Variants in AQP7B observed in about 807,000 individuals in gnomAD.
AQP7B encodes putative aquaporin-7B.
the AQP7B span, among the ~76,000 whole-genome samples, chr2:94,596,980 G>A: frequency 3.0e-3 from 455 of 152,304 alleles, 1 homozygote; most frequent in African/African-American, 9.3e-3. Context: ...GATTGCTGGC[G>A]TGAGTCACCT....
At chr2:94,593,773 AC>A in the AQP7B span, among the ~76,000 whole-genome samples, 1 of 151,966 alleles carries the variant, frequency 6.6e-6, no homozygotes, top group Non-Finnish European at 1.5e-5. Context: ...GGCGTGAGCT[AC>A]CGGGCCCAGC....
the AQP7B span, among the ~76,000 whole-genome samples, chr2:94,592,837 T>C: frequency 1.4e-5 from 2 of 143,072 alleles, no homozygotes; most frequent in Non-Finnish European, 3.0e-5. Flanking sequence ...TTTTTTTTTT[T>C]TTTTGAGACA....
the AQP7B span, among the ~76,000 whole-genome samples, chr2:94,601,772 G>A: frequency 1.1e-4 from 17 of 152,206 alleles, no homozygotes; most frequent in South Asian, 1.7e-3. Flanking sequence ...GGAAGGTATG[G>A]GGGAGACGGA....
the AQP7B span, chr2:94,602,675 C>T: frequency 6.0e-6 from 9 of 1,495,104 alleles, no homozygotes; most frequent in Admixed American, 1.7e-5. Flanking sequence ...CAGGCTCTTT[C>T]CTGCCCACCT....
the AQP7B span, among the ~76,000 whole-genome samples, chr2:94,601,102 G>C: frequency 6.6e-6 from 1 of 152,168 alleles, no homozygotes; most frequent in African/African-American, 2.4e-5. Flanking sequence ...GGCATGCATG[G>C]AGCAGCGCAG....
At chr2:94,588,575 C>T in the AQP7B span, 1 of 712,712 alleles carries the variant, frequency 1.4e-6, no homozygotes, top group Admixed American at 2.3e-5. Flanking sequence ...TTCTCACCCT[C>T]CAGCCCCCTG....
chr2:94,592,257 C>T, the AQP7B span, among the ~76,000 whole-genome samples: 1 of 151,996 alleles, frequency 6.6e-6, no homozygotes, highest in Non-Finnish European at 1.5e-5. Context: ...CCTCAGGGCT[C>T]CTAAATTCCC....
the AQP7B span, among the ~76,000 whole-genome samples, chr2:94,599,594 G>T: frequency 1.3e-5 from 2 of 151,998 alleles, no homozygotes; most frequent in Admixed American, 6.5e-5. Flanking sequence ...GGCTGGGGCG[G>T]GGTCCTCTCC....
the AQP7B span, among the ~76,000 whole-genome samples, chr2:94,598,490 G>T: frequency 6.6e-6 from 1 of 152,138 alleles, no homozygotes; most frequent in Non-Finnish European, 1.5e-5. Flanking sequence ...CGGGGCAAGG[G>T]TTGTAGATCA....
the AQP7B span, among the ~76,000 whole-genome samples, chr2:94,593,148 A>T: frequency 6.6e-6 from 1 of 152,216 alleles, no homozygotes; most frequent in Non-Finnish European, 1.5e-5. Flanking sequence ...ATGCATTGTG[A>T]TGAGCATTGC....
chr2:94,599,282 G>A, the AQP7B span, among the ~76,000 whole-genome samples: 2 of 151,958 alleles, frequency 1.3e-5, 1 homozygote, highest in South Asian at 4.2e-4. Flanking sequence ...CTCTCCTGCT[G>A]TATCTTATCC....
chr2:94,591,253 C>T, the AQP7B span, among the ~76,000 whole-genome samples: 1 of 152,114 alleles, frequency 6.6e-6, no homozygotes, highest in African/African-American at 2.4e-5. Context: ...GCGGGCTCCT[C>T]ACACTCAACA....
At chr2:94,602,230 C>T in the AQP7B span, among the ~76,000 whole-genome samples, 1 of 151,970 alleles carries the variant, frequency 6.6e-6, no homozygotes, top group South Asian at 2.1e-4. Flanking sequence ...GGCTGAGGTG[C>T]TTGGATGTTT....
the AQP7B span, among the ~76,000 whole-genome samples, chr2:94,593,516 G>A: frequency 6.2e-5 from 8 of 129,250 alleles, no homozygotes; most frequent in East Asian, 7.0e-4. Context: ...ATGGAGTCTC[G>A]CTCTTGTTGC....
chr2:94,594,699 A>T, the AQP7B span: 2 of 1,360,596 alleles, frequency 1.5e-6, no homozygotes, highest in Non-Finnish European at 2.1e-6. Flanking sequence ...GCAGCAGGCA[A>T]ACTTGAGTCT....
At chr2:94,592,279 G>A in the AQP7B span, among the ~76,000 whole-genome samples, 1 of 152,154 alleles carries the variant, frequency 6.6e-6, no homozygotes, top group Admixed American at 6.5e-5. Flanking sequence ...TGACCTCGCA[G>A]CAGCAAAAAG....
At chr2:94,599,658 G>C in the AQP7B span, among the ~76,000 whole-genome samples, 1 of 151,888 alleles carries the variant, frequency 6.6e-6, no homozygotes, top group Admixed American at 6.6e-5. Flanking sequence ...GCCTATTCAG[G>C]TACTTTACTC....
the AQP7B span, among the ~76,000 whole-genome samples, chr2:94,587,518 T>C: frequency 6.6e-6 from 1 of 152,088 alleles, no homozygotes; most frequent in Non-Finnish European, 1.5e-5. Context: ...GAGGGATTGT[T>C]TGGGGAAGGA....
chr2:94,594,709 T>C, the AQP7B span: 1 of 1,431,266 alleles, frequency 7.0e-7, no homozygotes, highest in South Asian at 1.2e-5. Context: ...AACTTGAGTC[T>C]CCTTTCTGTC....
Sources: allele counts gnomAD v4.1 joint callset (sites outside exome capture counted in the v4.1 genomes callset), GRCh38; gene constraint gnomAD v4.1.1; transcripts MANE v1.5; gene names NCBI Gene and HGNC (gene_info 2026-07-23, HGNC 2026-07-21).